The following BICDL1 variants were observed in gnomAD, a reference collection of about 807,000 sequenced individuals.
BICDL1 encodes BICD family like cargo adaptor 1.
BICDL1 carries 20 observed loss-of-function variants against 76.8 expected under a neutral mutation model. The observed-to-expected ratio is 0.26, with a 90% CI of 0.18 to 0.38. BICDL1 has a LOEUF of 0.38. Among genes scored for constraint, BICDL1 ranks in the 10% least tolerant of loss-of-function variants. The pLI is 1.00. For missense variants in BICDL1, 700 were observed against 798.6 expected (o/e 0.88, Z 1.49); for synonymous variants, 383 against 337.1 (o/e 1.14, Z -1.49).
At chr12:120,021,612 AG>A (rs1203255024) in intron 2 of BICDL1, among the ~76,000 whole-genome samples, 1 of 142,744 alleles carries the variant, frequency 7.0e-6, no homozygotes, top group Non-Finnish European at 1.5e-5. Flanking sequence ...AAAAAAAAAG[AG>A]AATCAGCCAG....
At chr12:120,083,115 G>A (rs1409366488) in intron 8 of BICDL1, among the ~76,000 whole-genome samples, 4 of 151,454 alleles carry the variant, frequency 2.6e-5, no homozygotes, top group Non-Finnish European at 5.9e-5. Context: ...TGCCCACCTC[G>A]GCCTCCCAAA....
In BICDL1 at chr12:119,990,157, C is replaced by T. The variant is rs1437669618; in HGVS notation, c.289C>T (p.Pro97Ser). ...AGPQPPPSQD[P>S]ELLSVIRQKE... ...ACCGCAGCCGCCGCCCTCCCAGGAC[C>T]CCGAGCTGCTGTCGGTGATCCGACA... is the stretch of plus-strand genomic sequence containing the variant. Residue 97 changes from proline (P) to serine (S), a missense_variant, in exon 1 of 10, where the codon CCC becomes TCC. Pro to Ser is a moderately conservative substitution (Grantham distance 74). Around this residue, in one of 3 missense-constraint regions of BICDL1, gnomAD observed 225 missense variants for 199.6 expected, o/e 1.13. Coordinates refer to ENST00000548673, the MANE Select transcript of BICDL1 (RefSeq NM_001367886.1). 6.4e-6 allele frequency: 10 copies of T among 1,551,678 alleles called. No homozygotes were observed. Among genetic ancestry groups the T allele is most frequent in the Non-Finnish European group, 7.0e-6 (8 of 1,147,680 alleles).
At chr12:120,013,793 G>C (rs1952007320) in intron 2 of BICDL1, among the ~76,000 whole-genome samples, 2 of 152,146 alleles carry the variant, frequency 1.3e-5, no homozygotes, top group Admixed American at 6.6e-5. Context: ...ACAACACTTA[G>C]TGCCATGCAT....
At chr12:120,065,210 A>G (rs1189219905) in intron 4 of BICDL1, among the ~76,000 whole-genome samples, 2 of 152,206 alleles carry the variant, frequency 1.3e-5, no homozygotes, top group Non-Finnish European at 2.9e-5. Flanking sequence ...ATCTGCTAGA[A>G]GGTTTCAGAG....
rs1367490867 is a variant in BICDL1, at chr12:120,094,239, C to T, written c.*1078C>T. 5 of 456,658 alleles carry T rather than the reference C, an allele frequency of 1.1e-5. No homozygotes were observed. In the Admixed American group the frequency reaches 1.2e-4, roughly 11 times the overall value. The allele number at this position is 456,658 out of a possible 1,614,324, so 28.3% of individuals were successfully genotyped here. On this transcript the variant is annotated 3_prime_UTR_variant, in exon 10 of 10. Coordinates refer to ENST00000548673, the MANE Select transcript of BICDL1 (RefSeq NM_001367886.1). ...GAGGCTCCGCGGCCCGGCCAGCCCT[C>T]AGCTGCTCACAACCGATTCAGTCTC... is the stretch of plus-strand genomic sequence containing the variant.
chr12:120,012,361 C>T lies in BICDL1; in HGVS notation c.645+13625C>T, dbSNP rs113350329. On this transcript the variant is annotated intron_variant, in intron 2 of 9. Coordinates refer to ENST00000548673, the MANE Select transcript of BICDL1 (RefSeq NM_001367886.1). ...GAGGTTGACATTCTGTAATTCTCCA[C>T]GAATAAGTCAGATTTTCCGCATTGC... is the stretch of plus-strand genomic sequence containing the variant. 9.9e-4 allele frequency among the ~76,000 whole-genome samples: 151 copies of T among 152,270 alleles called. 1 individual carries two copies. Among genetic ancestry groups the T allele is most frequent in the African/African-American group, 3.5e-3 (145 of 41,528 alleles).
chr12:120,008,058 A>T (rs1951881892), intron 2 of BICDL1, among the ~76,000 whole-genome samples: 1 of 152,094 alleles, frequency 6.6e-6, no homozygotes, highest in African/African-American at 2.4e-5. Context: ...TCAACCAAAT[A>T]ACAGCTATTT....
intron 2 of BICDL1, among the ~76,000 whole-genome samples, chr12:120,027,955 G>A (rs1255089215): frequency 6.6e-6 from 1 of 152,208 alleles, no homozygotes; most frequent in African/African-American, 2.4e-5. Flanking sequence ...TGATCGTTGT[G>A]TTCCTAAATG....
chr12:120,033,805 G>C (rs1952479271), intron 2 of BICDL1, among the ~76,000 whole-genome samples: 1 of 152,188 alleles, frequency 6.6e-6, no homozygotes, highest in Non-Finnish European at 1.5e-5. Context: ...AAGCTTGATA[G>C]ATTTAGGTCA....
chr12:120,011,684 T>C (rs1951956160), intron 2 of BICDL1, among the ~76,000 whole-genome samples: 1 of 152,214 alleles, frequency 6.6e-6, no homozygotes, highest in African/African-American at 2.4e-5. Flanking sequence ...GACCCTTTCA[T>C]GGTTATATTA....
At chr12:119,994,456 T>C (rs1338864862) in intron 1 of BICDL1, among the ~76,000 whole-genome samples, 1 of 152,040 alleles carries the variant, frequency 6.6e-6, no homozygotes, top group East Asian at 1.9e-4. Flanking sequence ...ACTAATGATC[T>C]TAATTTTGGG....
At chr12:120,006,664 GA>G (rs1185546942) in intron 2 of BICDL1, among the ~76,000 whole-genome samples, 1 of 152,164 alleles carries the variant, frequency 6.6e-6, no homozygotes, top group African/African-American at 2.4e-5. Context: ...TCCTGGCAAA[GA>G]AAACAACATG....
At chr12:120,009,797 A>G (rs1025530636) in intron 2 of BICDL1, among the ~76,000 whole-genome samples, 2 of 152,246 alleles carry the variant, frequency 1.3e-5, no homozygotes, top group African/African-American at 4.8e-5. Flanking sequence ...TTGAAAAACA[A>G]AATATCTGTA....
chr12:120,032,611 A>G (rs1952444863), intron 2 of BICDL1, among the ~76,000 whole-genome samples: 1 of 152,220 alleles, frequency 6.6e-6, no homozygotes, highest in African/African-American at 2.4e-5. Flanking sequence ...ATGTGCACTG[A>G]AGAAAAATTA....
chr12:119,997,831 G>C (rs959160345), intron 1 of BICDL1, among the ~76,000 whole-genome samples: 8 of 152,074 alleles, frequency 5.3e-5, no homozygotes, highest in African/African-American at 1.9e-4. Context: ...AAAGTAAGGA[G>C]GGGGTGGGGC....
In BICDL1 at chr12:120,072,707, T is replaced by C. The variant is rs772724969; in HGVS notation, c.1286T>C (p.Ile429Thr). The C allele has an allele frequency of 2.5e-6, 4 of 1,613,188 alleles. No homozygotes were observed. In the Admixed American group the frequency reaches 5.0e-5, roughly 20 times the overall value. Residue 429 changes from isoleucine to threonine, a missense_variant, in exon 6 of 10, where the codon ATT becomes ACT. Around this residue, in one of 3 missense-constraint regions of BICDL1, gnomAD observed 455 missense variants for 548.7 expected, o/e 0.83. Coordinates refer to ENST00000548673, the MANE Select transcript of BICDL1 (RefSeq NM_001367886.1). ...LNELKRLIQS[I>T]VDGMEPTGSR... ...GAGCTCAAGAGACTGATACAGAGCATTGTGGATGGCATGGAGCCCACGGTA... is the reference window on the plus strand; with the variant it reads ...GAGCTCAAGAGACTGATACAGAGCACTGTGGATGGCATGGAGCCCACGGTA...
chr12:120,077,827 C>G (rs1345198299), intron 7 of BICDL1, among the ~76,000 whole-genome samples: 1 of 130,128 alleles, frequency 7.7e-6, no homozygotes, highest in Admixed American at 8.4e-5. Flanking sequence ...TTGGATTGAT[C>G]TTCCTGAAGC....
At chr12:120,039,656 A>AG (rs1338676403) in intron 2 of BICDL1, among the ~76,000 whole-genome samples, 66 of 151,446 alleles carry the variant, frequency 4.4e-4, no homozygotes, top group African/African-American at 1.5e-3. Flanking sequence ...AAAAAAAAAA[A>AG]AAAAGAAAAG....
intron 1 of BICDL1, among the ~76,000 whole-genome samples, chr12:119,990,679 CAG>C (rs1951502794): frequency 6.6e-6 from 1 of 152,210 alleles, no homozygotes; most frequent in East Asian, 1.9e-4. Context: ...AATCTCTAAT[CAG>C]GGTGTTAGCC....
Sources: allele counts gnomAD v4.1 joint callset (sites outside exome capture counted in the v4.1 genomes callset), GRCh38; gene constraint gnomAD v4.1.1; regional missense constraint gnomAD v4.1.1; transcripts MANE v1.5; gene names NCBI Gene and HGNC (gene_info 2026-07-23, HGNC 2026-07-21).